STX8: variants seen among roughly 807,000 people sequenced by gnomAD.
STX8 encodes syntaxin 8.
STX8 carries 23 observed loss-of-function variants against 37.5 expected under a neutral mutation model. The ratio of observed to expected loss-of-function variants is 0.61; its 90% confidence interval spans 0.44 to 0.87. The LOEUF (loss-of-function observed/expected upper bound fraction) is 0.87. Ranked by LOEUF, STX8 falls within the 40% of genes least tolerant of loss-of-function variation. STX8 has a pLI of 0.00. For missense variants in STX8, 313 were observed against 284.7 expected, an observed-to-expected ratio of 1.10 and a Z score of -0.71; for synonymous variants, 115 against 99.1, an observed-to-expected ratio of 1.16 and a Z score of -0.95.
At chr17:9,274,769 T>TTG (rs1330975991) in intron 7 of STX8, among the ~76,000 whole-genome samples, 1 of 140,148 alleles carries the variant, frequency 7.1e-6, no homozygotes, top group South Asian at 2.4e-4. Flanking sequence ...TTTTTTTTTT[T>TTG]GAGACGGAGT....
At chr17:9,381,472 C>T (rs192869673) in intron 6 of STX8, among the ~76,000 whole-genome samples, 40 of 152,292 alleles carry the variant, frequency 2.6e-4, no homozygotes, top group African/African-American at 7.7e-4. Context: ...ATCTGAAAGG[C>T]ACAAAGGAGT....
intron 7 of STX8, among the ~76,000 whole-genome samples, chr17:9,350,668 G>A (rs1271358669): frequency 6.6e-6 from 1 of 152,062 alleles, no homozygotes; most frequent in East Asian, 1.9e-4. Context: ...GAGTACCTGG[G>A]ATTACAGGTG....
At chr17:9,464,441 GC>G (rs1245755461) in intron 6 of STX8, among the ~76,000 whole-genome samples, 1 of 152,072 alleles carries the variant, frequency 6.6e-6, no homozygotes, top group Non-Finnish European at 1.5e-5. Flanking sequence ...CACAGAGTAG[GC>G]TGAATAAATG....
intron 7 of STX8, among the ~76,000 whole-genome samples, chr17:9,347,314 AC>A (rs1910566634): frequency 6.6e-6 from 1 of 152,134 alleles, no homozygotes; most frequent in Non-Finnish European, 1.5e-5. Context: ...GCTGCTCAAT[AC>A]CATAAAGCTC....
intron 6 of STX8, among the ~76,000 whole-genome samples, chr17:9,462,756 T>C (rs752424740): frequency 1.4e-4 from 22 of 152,124 alleles, no homozygotes; most frequent in Non-Finnish European, 3.1e-4. Flanking sequence ...GAAAAAAGCA[T>C]GGGGAATAAT....
At chr17:9,341,674 T>C (rs1309495486) in intron 7 of STX8, among the ~76,000 whole-genome samples, 1 of 152,082 alleles carries the variant, frequency 6.6e-6, no homozygotes, top group Admixed American at 6.6e-5. Context: ...TGACCTCAGG[T>C]AATCTGCCGG....
chr17:9,478,037 T>C (rs1266841374), intron 6 of STX8, among the ~76,000 whole-genome samples: 1 of 152,236 alleles, frequency 6.6e-6, no homozygotes, highest in East Asian at 1.9e-4. Context: ...CTGAGGGCCA[T>C]GAGGCTTCAC....
chr17:9,475,803 C>T (rs1357134587), intron 6 of STX8, among the ~76,000 whole-genome samples: 1 of 152,180 alleles, frequency 6.6e-6, no homozygotes, highest in African/African-American at 2.4e-5. Flanking sequence ...AGAAACCTGC[C>T]GACTGGCATA....
intron 1 of STX8, among the ~76,000 whole-genome samples, chr17:9,569,310 A>G (rs1284461961): frequency 1.3e-5 from 2 of 152,226 alleles, no homozygotes; most frequent in Non-Finnish European, 2.9e-5. Context: ...GATAGGTGCT[A>G]AGAAGAAAAA....
intron 6 of STX8, among the ~76,000 whole-genome samples, chr17:9,418,349 A>C (rs1221600243): frequency 6.6e-6 from 1 of 152,158 alleles, no homozygotes; most frequent in African/African-American, 2.4e-5. Flanking sequence ...TGATTCTAAT[A>C]GGCAGTGAAA....
At chr17:9,279,359 T>C (rs923171516) in intron 7 of STX8, among the ~76,000 whole-genome samples, 7 of 152,176 alleles carry the variant, frequency 4.6e-5, no homozygotes, top group Non-Finnish European at 7.3e-5. Context: ...AGTGTTGGGA[T>C]TATAGGCGTG....
At chr17:9,573,080 A>AGCCCCCCC (rs1907746427) in intron 1 of STX8, among the ~76,000 whole-genome samples, 1 of 101,578 alleles carries the variant, frequency 9.8e-6, no homozygotes, top group Non-Finnish European at 2.0e-5. Context: ...CACCCCCAAC[A>AGCCCCCCC]CCCCCCCCCA....
intron 4 of STX8, among the ~76,000 whole-genome samples, chr17:9,534,617 G>A (rs1385091563): frequency 2.0e-5 from 3 of 152,028 alleles, no homozygotes; most frequent in East Asian, 1.9e-4. Flanking sequence ...GTGAAACTCC[G>A]TCTCTTCTAA....
chr17:9,497,211 G>A (rs891852211), intron 5 of STX8, among the ~76,000 whole-genome samples: 9 of 152,086 alleles, frequency 5.9e-5, no homozygotes, highest in African/African-American at 2.2e-4. Context: ...AGAAACTTAA[G>A]AGACATAACT....
chr17:9,515,832 T>C (rs1212264438), intron 4 of STX8, among the ~76,000 whole-genome samples: 1 of 152,180 alleles, frequency 6.6e-6, no homozygotes, highest in Non-Finnish European at 1.5e-5. Flanking sequence ...CTGGAAGCCT[T>C]ACTTTATGCC....
chr17:9,337,376 T>C (rs1910172612), intron 7 of STX8, among the ~76,000 whole-genome samples: 1 of 151,942 alleles, frequency 6.6e-6, no homozygotes, highest in Admixed American at 6.6e-5. Flanking sequence ...CTCTGCCATC[T>C]CTTATTTTAT....
chr17:9,390,351 G>T (rs1004970996), intron 6 of STX8, among the ~76,000 whole-genome samples: 3 of 151,440 alleles, frequency 2.0e-5, no homozygotes, highest in Non-Finnish European at 4.4e-5. Flanking sequence ...ATGAAACCCC[G>T]TCTCTACTAA....
chr17:9,443,695 T>A (rs1429565583), intron 6 of STX8, among the ~76,000 whole-genome samples: 1 of 152,190 alleles, frequency 6.6e-6, no homozygotes, highest in Non-Finnish European at 1.5e-5. Flanking sequence ...ATTTATATTA[T>A]TTCTACTGGC....
chr17:9,501,687 A>G (rs1274160764), intron 5 of STX8, among the ~76,000 whole-genome samples: 1 of 147,664 alleles, frequency 6.8e-6, no homozygotes, highest in Middle Eastern at 4.0e-3. Context: ...TCAAAAAAAT[A>G]AACAGGCCAG....
Sources: gnomAD v4.1 joint callset for allele counts (sites outside exome capture counted in the v4.1 genomes callset) on GRCh38, gnomAD v4.1.1 for gene constraint, MANE v1.5 for transcripts, NCBI Gene and HGNC (gene_info 2026-07-23, HGNC 2026-07-21) for gene names.